Variants in ZNF618 observed in about 807,000 individuals in gnomAD.
The protein encoded by ZNF618 is zinc finger protein 618, also known as neural precursor cell expressed, developmentally down-regulated 10.
A neutral mutation model predicts 103.0 loss-of-function variants in ZNF618; 34 were observed. That is an observed-to-expected ratio of 0.33 (90% CI 0.25 to 0.44). ZNF618 has a LOEUF of 0.44. ZNF618 is among the 20% of genes least tolerant of loss of function. The probability of loss-of-function intolerance (pLI) is 1.00; values close to 1 mark genes in which losing one functional copy is unlikely to be tolerated. For synonymous variants in ZNF618, 551 were observed against 542.2 expected, an observed-to-expected ratio of 1.02 and a Z score of -0.23; for missense variants, 1,059 against 1,295.4, an observed-to-expected ratio of 0.82 and a Z score of 2.80.
Position 113,991,332 on chromosome 9 carries a change from G to A in ZNF618, c.337+2752G>A, listed in dbSNP as rs150983851. Among the ~76,000 whole-genome samples, 1,117 of 152,366 alleles carry A rather than the reference G, an allele frequency of 7.3e-3. 35 individuals are homozygous for A. The highest frequency in any genetic ancestry group is 0.06 in the Admixed American group (926 of 15,306). ...ATGGGCGTGGCCATCCAAGGCGGCA[G>A]TGGAAGGAAACAGTGTTGCCTGAGG... On this transcript the variant is annotated intron_variant, in intron 3 of 14. Coordinates refer to ENST00000374126, the MANE Select transcript of ZNF618 (RefSeq NM_001318042.2).
intron 4 of ZNF618, among the ~76,000 whole-genome samples, 191 bp downstream of exon 4, chr9:113,998,545 G>A (rs1840856273): frequency 6.6e-6 from 1 of 152,186 alleles, no homozygotes; most frequent in South Asian, 2.1e-4. Context: ...GGAAGTACTG[G>A]ACTACTGGAG....
chr9:113,998,213 C>A, intron 3 of ZNF618, 46 bp from the exon 4 acceptor site: 1 of 1,527,154 alleles, frequency 6.5e-7, no homozygotes, highest in Non-Finnish European at 8.9e-7. Flanking sequence ...ACCTTCCAGG[C>A]ATTCTCCAAC....
chr9:113,887,618 G>A (rs1829201873), intron 1 of ZNF618, among the ~76,000 whole-genome samples: 1 of 152,182 alleles, frequency 6.6e-6, no homozygotes, highest in Non-Finnish European at 1.5e-5. Context: ...GATTTGGGAA[G>A]GAAGGCTGCT....
At chr9:114,001,303 G>A (rs960409431) in intron 4 of ZNF618, among the ~76,000 whole-genome samples, 1 of 151,332 alleles carries the variant, frequency 6.6e-6, no homozygotes, top group Non-Finnish European at 1.5e-5. Context: ...TTTACACCAT[G>A]TCGGTCTCTG....
At chr9:113,895,745 G>A (rs1829982531) in intron 1 of ZNF618, among the ~76,000 whole-genome samples, 2 of 152,060 alleles carry the variant, frequency 1.3e-5, no homozygotes. Flanking sequence ...CATGCCAGAT[G>A]TTTATTTGTA....
At chr9:113,983,540 C>T (rs1358674174) in intron 2 of ZNF618, among the ~76,000 whole-genome samples, 2 of 152,156 alleles carry the variant, frequency 1.3e-5, no homozygotes, top group African/African-American at 4.8e-5. Context: ...TGAACTCAGT[C>T]AGGAATCTGG....
intron 11 of ZNF618, among the ~76,000 whole-genome samples, chr9:114,032,432 CTCCTGGG>C (rs1375334270): frequency 3.8e-4 from 58 of 152,278 alleles, no homozygotes; most frequent in African/African-American, 1.3e-3. Flanking sequence ...GTGCCTGGGC[CTCCTGGG>C]CCCTGCCAGG....
At chr9:113,981,812 C>G (rs1159822965) in intron 2 of ZNF618, among the ~76,000 whole-genome samples, 1 of 152,236 alleles carries the variant, frequency 6.6e-6, no homozygotes, top group Non-Finnish European at 1.5e-5. Flanking sequence ...CCATGCCTTT[C>G]CTTCACCTGT....
intron 9 of ZNF618, 99 bp downstream of exon 9, chr9:114,008,653 A>G (rs1841975677): frequency 5.8e-6 from 8 of 1,390,750 alleles, no homozygotes; most frequent in Non-Finnish European, 8.0e-6. Context: ...AGTGGGTGGC[A>G]TCACTTAACT....
At chr9:113,882,045 A>G (rs1273991693) in intron 1 of ZNF618, among the ~76,000 whole-genome samples, 1 of 152,232 alleles carries the variant, frequency 6.6e-6, no homozygotes, top group Non-Finnish European at 1.5e-5. Flanking sequence ...GCAAAAAGGC[A>G]GCAGGTGGCC....
chr9:113,993,978 C>T (rs1840321328), intron 3 of ZNF618, among the ~76,000 whole-genome samples: 1 of 152,126 alleles, frequency 6.6e-6, no homozygotes, highest in Non-Finnish European at 1.5e-5. Context: ...GAGTGAGTTC[C>T]CCGTCCTGAC....
chr9:113,987,625 C>T (rs962421744), intron 2 of ZNF618, among the ~76,000 whole-genome samples: 2 of 152,204 alleles, frequency 1.3e-5, no homozygotes, highest in African/African-American at 4.8e-5. Context: ...CATCAAAGCA[C>T]GAAACCCTTA....
chr9:113,942,791 T>G (rs920994799), intron 1 of ZNF618, among the ~76,000 whole-genome samples: 3 of 152,152 alleles, frequency 2.0e-5, no homozygotes, highest in African/African-American at 7.2e-5. Flanking sequence ...ATTGTGAAAT[T>G]CCATTTTAAT....
chr9:113,979,130 A>G lies in ZNF618; in HGVS notation c.78-9191A>G, dbSNP rs151238344. Among the ~76,000 whole-genome samples, 985 of 152,354 alleles carry G rather than the reference A, an allele frequency of 6.5e-3. 7 individuals carry two copies. Among genetic ancestry groups the G allele is most frequent in the African/African-American group, 0.022 (934 of 41,588 alleles). Reference sequence around the variant, plus strand: ...TGGTCTCTGGAAATCTTCCAGAACCATATGGAATTAATTAGAGGGCAGATT... The same window carrying G: ...TGGTCTCTGGAAATCTTCCAGAACCGTATGGAATTAATTAGAGGGCAGATT... On this transcript the variant is annotated intron_variant, in intron 2 of 14. Coordinates refer to ENST00000374126, the MANE Select transcript of ZNF618 (RefSeq NM_001318042.2).
chr9:114,020,567 C>CA (rs1842985598), intron 10 of ZNF618, among the ~76,000 whole-genome samples: 1 of 152,068 alleles, frequency 6.6e-6, no homozygotes, highest in Admixed American at 6.6e-5. Flanking sequence ...TGGTTTGTGA[C>CA]ACTACCATGA....
At chr9:113,936,688 G>A (rs1834054169) in intron 1 of ZNF618, among the ~76,000 whole-genome samples, 1 of 152,174 alleles carries the variant, frequency 6.6e-6, no homozygotes, top group Admixed American at 6.5e-5. Context: ...GCTTGGAATA[G>A]AACCCGGCAA....
intron 1 of ZNF618, among the ~76,000 whole-genome samples, chr9:113,880,865 C>T (rs1285568893): frequency 6.6e-6 from 1 of 152,162 alleles, no homozygotes; most frequent in Non-Finnish European, 1.5e-5. Flanking sequence ...GTATACTGCA[C>T]TTTATTGCTT....
intron 1 of ZNF618, among the ~76,000 whole-genome samples, chr9:113,900,168 G>A (rs951414375): frequency 1.3e-5 from 2 of 151,958 alleles, no homozygotes; most frequent in Admixed American, 6.6e-5. Flanking sequence ...AGTGATTCTC[G>A]TGCCTCAGCT....
chr9:114,031,755 A>G (rs973603193), intron 11 of ZNF618, among the ~76,000 whole-genome samples: 1 of 152,138 alleles, frequency 6.6e-6, no homozygotes, highest in Non-Finnish European at 1.5e-5. Context: ...GTTTCTCCTT[A>G]AGAAATGCAC....
Sources: gnomAD v4.1 joint callset for allele counts (sites outside exome capture counted in the v4.1 genomes callset) on GRCh38, gnomAD v4.1.1 for gene constraint, MANE v1.5 for transcripts, NCBI Gene and HGNC (gene_info 2026-07-23, HGNC 2026-07-21) for gene names.